Variants in PCDH9 observed in about 807,000 individuals in gnomAD.
PCDH9 encodes protocadherin-9.
In PCDH9, 24 loss-of-function variants were observed where a neutral mutation model predicts 70.6. That is an observed-to-expected ratio of 0.34 (90% CI 0.25 to 0.48). The LOEUF (loss-of-function observed/expected upper bound fraction) is 0.48, where lower values mean the gene tolerates loss of function less well. Among genes scored for constraint, PCDH9 ranks in the 20% least tolerant of loss-of-function variants. The pLI is 0.99. For synonymous variants in PCDH9, 562 were observed against 558.5 expected (o/e 1.01, Z -0.09); for missense variants, 1,281 against 1,503.6 (o/e 0.85, Z 2.45).
At chr13:67,037,291 C>G (rs1005524262) in intron 2 of PCDH9, among the ~76,000 whole-genome samples, 1 of 152,106 alleles carries the variant, frequency 6.6e-6, no homozygotes. Context: ...GTTACTCGCT[C>G]GACTTGCAAC....
At chr13:66,999,897 G>A (rs1374853676) in intron 2 of PCDH9, among the ~76,000 whole-genome samples, 1 of 152,148 alleles carries the variant, frequency 6.6e-6, no homozygotes, top group Admixed American at 6.5e-5. Context: ...CTGTAAACTA[G>A]TTCAACCATT....
intron 3 of PCDH9, among the ~76,000 whole-genome samples, chr13:66,864,054 C>G (rs892384483): frequency 4.6e-5 from 7 of 152,022 alleles, no homozygotes; most frequent in Non-Finnish European, 8.8e-5. Context: ...ACCATTAGAT[C>G]TTGTGCGAAC....
At chr13:66,712,026 G>C (rs1165758227) in intron 3 of PCDH9, among the ~76,000 whole-genome samples, 2 of 152,058 alleles carry the variant, frequency 1.3e-5, no homozygotes, top group African/African-American at 4.8e-5. Flanking sequence ...TCCTTCATGA[G>C]TTATAGAGTA....
intron 3 of PCDH9, among the ~76,000 whole-genome samples, chr13:66,702,210 T>G (rs2078656401): frequency 6.6e-6 from 1 of 152,176 alleles, no homozygotes; most frequent in Non-Finnish European, 1.5e-5. Context: ...TTAAAAATTT[T>G]GCAAAGGGGA....
intron 2 of PCDH9, chr13:67,211,564 A>C (rs1305296909): frequency 6.6e-6 from 1 of 152,132 alleles, no homozygotes; most frequent in African/African-American, 2.4e-5. Flanking sequence ...GAAATAATTG[A>C]GTTAAAAAAA....
chr13:66,408,553 A>G (rs1354738121), intron 4 of PCDH9, among the ~76,000 whole-genome samples: 2 of 152,234 alleles, frequency 1.3e-5, no homozygotes, highest in East Asian at 3.8e-4. Context: ...CTTTGGTTTT[A>G]GTTTGTTTTA....
At chr13:66,707,858 T>C (rs549294606) in intron 3 of PCDH9, among the ~76,000 whole-genome samples, 1 of 152,302 alleles carries the variant, frequency 6.6e-6, no homozygotes, top group South Asian at 2.1e-4. Context: ...CTCTCCTTGA[T>C]AGGCCAGGAT....
intron 3 of PCDH9, among the ~76,000 whole-genome samples, chr13:66,846,563 A>T (rs1238511392): frequency 6.6e-6 from 1 of 152,114 alleles, no homozygotes; most frequent in African/African-American, 2.4e-5. Context: ...TGTGAGAGTT[A>T]TTACATTCCT....
chr13:66,878,958 G>A (rs2081872201), intron 3 of PCDH9, among the ~76,000 whole-genome samples: 1 of 152,096 alleles, frequency 6.6e-6, no homozygotes, highest in Non-Finnish European at 1.5e-5. Context: ...AATTAAACAA[G>A]GAAATGCATG....
intron 3 of PCDH9, among the ~76,000 whole-genome samples, chr13:66,813,799 A>G (rs7336068): frequency 0.37 from 56,731 of 151,938 alleles, 11,001 homozygotes; most frequent in Middle Eastern, 0.44. Flanking sequence ...AACAATAATT[A>G]GTGCTTTATT....
chr13:66,613,794 T>A (rs1303532970), intron 4 of PCDH9, among the ~76,000 whole-genome samples: 1 of 152,228 alleles, frequency 6.6e-6, no homozygotes, highest in African/African-American at 2.4e-5. Context: ...AGACAAGCAC[T>A]GGGATCAAAT....
chr13:66,428,350 T>C lies in PCDH9; in HGVS notation c.3341-123322A>G, dbSNP rs1381238445. ...CTAGAACCAATATGTGTTCTTACTGTAACTCTGTATAAAAGATTACTAAAA... is the reference window on the plus strand; with the variant it reads ...CTAGAACCAATATGTGTTCTTACTGCAACTCTGTATAAAAGATTACTAAAA... On this transcript the variant is annotated intron_variant, in intron 4 of 4. Transcript: ENST00000377865. Among the ~76,000 whole-genome samples, 3 of 151,830 alleles carry C rather than the reference T, an allele frequency of 2.0e-5. No individual in the cohort carries two copies. In the East Asian group the frequency reaches 5.8e-4, roughly 29 times the overall value.
intron 3 of PCDH9, among the ~76,000 whole-genome samples, chr13:66,723,285 C>T (rs1013184180): frequency 1.3e-5 from 2 of 151,916 alleles, no homozygotes; most frequent in Non-Finnish European, 2.9e-5. Flanking sequence ...GTTAACAGGC[C>T]CCTCCAGATC....
At chr13:67,059,232 G>A (rs369473829) in intron 2 of PCDH9, among the ~76,000 whole-genome samples, 6 of 150,924 alleles carry the variant, frequency 4.0e-5, no homozygotes, top group African/African-American at 1.5e-4. Flanking sequence ...AGCTCCCTAC[G>A]GTGTGCTAGC....
At chr13:67,096,583 A>G (rs1262355087) in intron 2 of PCDH9, among the ~76,000 whole-genome samples, 1 of 152,180 alleles carries the variant, frequency 6.6e-6, no homozygotes, top group East Asian at 1.9e-4. Flanking sequence ...CAGCTTTTAG[A>G]TGTTGTTCAC....
At chr13:66,765,988 A>G (rs995987688) in intron 3 of PCDH9, among the ~76,000 whole-genome samples, 5 of 152,072 alleles carry the variant, frequency 3.3e-5, no homozygotes, top group Non-Finnish European at 5.9e-5. Flanking sequence ...TTATTATTTA[A>G]AAGTTTGTAA....
intron 3 of PCDH9, among the ~76,000 whole-genome samples, chr13:66,738,081 G>C (rs2079185915): frequency 6.6e-6 from 1 of 152,252 alleles, no homozygotes; most frequent in Non-Finnish European, 1.5e-5. Context: ...AACCTCTGCA[G>C]ACTTAAATGT....
chr13:66,872,805 T>C (rs1455144747), intron 3 of PCDH9, among the ~76,000 whole-genome samples: 1 of 152,128 alleles, frequency 6.6e-6, no homozygotes, highest in Non-Finnish European at 1.5e-5. Flanking sequence ...TACTTCTCCC[T>C]CTAGTTATAT....
intron 3 of PCDH9, among the ~76,000 whole-genome samples, chr13:66,815,644 G>A (rs540859028): frequency 2.2e-4 from 33 of 152,236 alleles, no homozygotes; most frequent in African/African-American, 7.7e-4. Context: ...AGTATCCTAA[G>A]TGAACTAACA....
Sources: allele counts gnomAD v4.1 joint callset (sites outside exome capture counted in the v4.1 genomes callset), GRCh38; gene constraint gnomAD v4.1.1; transcripts MANE v1.5; gene names NCBI Gene and HGNC (gene_info 2026-07-23, HGNC 2026-07-21).